TTLL5: variants seen among roughly 807,000 people sequenced by gnomAD.
The protein encoded by TTLL5 is tubulin polyglutamylase TTLL5.
A neutral mutation model predicts 168.4 loss-of-function variants in TTLL5; 132 were observed. That is an observed-to-expected ratio of 0.78 (90% CI 0.68 to 0.91). The LOEUF (loss-of-function observed/expected upper bound fraction) is 0.91, where lower values mean the gene tolerates loss of function less well. Among genes scored for constraint, TTLL5 ranks in the 40% least tolerant of loss-of-function variants. The pLI, the probability that TTLL5 is intolerant of heterozygous loss-of-function variation, is 0.00. For synonymous variants in TTLL5, 546 were observed against 558.6 expected (o/e 0.98, Z 0.32); for missense variants, 1,545 against 1,581.5 (o/e 0.98, Z 0.39).
At chr14:75,766,532 G>A (rs12878018) in intron 20 of TTLL5, among the ~76,000 whole-genome samples, 164 bp downstream of exon 20, 1 of 152,222 alleles carries the variant, frequency 6.6e-6, no homozygotes, top group Middle Eastern at 3.4e-3. Flanking sequence ...AGGAAACTGA[G>A]CCTTAGAGAG....
intron 30 of TTLL5, among the ~76,000 whole-genome samples, chr14:75,899,438 AC>A (rs1398312099): frequency 1.3e-5 from 2 of 152,360 alleles, no homozygotes; most frequent in East Asian, 3.9e-4. Flanking sequence ...TGATGTTATC[AC>A]AACAAAAGCA....
chr14:75,945,406 G>A (rs1426108513), intron 31 of TTLL5, among the ~76,000 whole-genome samples: 1 of 151,522 alleles, frequency 6.6e-6, no homozygotes, highest in Non-Finnish European at 1.5e-5. Context: ...ACAGGTGCGT[G>A]CCACCATGCT....
chr14:75,677,390 C>CTT (rs11349214), intron 3 of TTLL5, among the ~76,000 whole-genome samples: 1,030 of 78,274 alleles, frequency 0.013, 1 homozygote, highest in African/African-American at 0.021. Context: ...CTCTCTCTCT[C>CTT]TTTTTTTTTT....
chr14:75,850,111 A>G (rs1896764722), intron 28 of TTLL5, among the ~76,000 whole-genome samples: 1 of 151,918 alleles, frequency 6.6e-6, no homozygotes, highest in Non-Finnish European at 1.5e-5. Flanking sequence ...ATAAAAATAA[A>G]AAAAAAAATC....
Position 75,933,308 on chromosome 14 carries a change from A to G in TTLL5, c.3824-21116A>G, listed in dbSNP as rs2034333828. Among the ~76,000 whole-genome samples, 3 of 152,250 alleles carry G rather than the reference A, an allele frequency of 2.0e-5. No homozygotes were observed. The South Asian group carries it at 6.2e-4, about 32-fold the overall frequency. ...CATCTCTACAAAAAAAAATTAAAAAATTAGCCAGGCCGGGTGTGGTTGCAT... is the reference window on the plus strand; with the variant it reads ...CATCTCTACAAAAAAAAATTAAAAAGTTAGCCAGGCCGGGTGTGGTTGCAT... On this transcript the variant is annotated intron_variant, in intron 31 of 31. Coordinates refer to ENST00000298832, the MANE Select transcript of TTLL5 (RefSeq NM_015072.5).
chr14:75,698,940 G>C (rs1211711955), intron 6 of TTLL5, among the ~76,000 whole-genome samples: 1 of 151,590 alleles, frequency 6.6e-6, no homozygotes, highest in Non-Finnish European at 1.5e-5. Context: ...GAGGCGAAAT[G>C]GTGGAAGAAA....
At chr14:75,863,971 C>A in intron 29 of TTLL5, 109 bp downstream of exon 29, 1 of 1,178,006 alleles carries the variant, frequency 8.5e-7, no homozygotes, top group Non-Finnish European at 1.1e-6. Context: ...AGTTTTCCAA[C>A]CCCGTGCCAT....
chr14:75,865,962 C>T lies in TTLL5; in HGVS notation c.3522+2100C>T, dbSNP rs573086144. Among the ~76,000 whole-genome samples, 10 of 152,286 alleles carry T rather than the reference C, an allele frequency of 6.6e-5. No individual in the cohort carries two copies. In the East Asian group the frequency reaches 1.5e-3, roughly 24 times the overall value. On this transcript the variant is annotated intron_variant, in intron 29 of 31. Coordinates refer to ENST00000298832, the MANE Select transcript of TTLL5 (RefSeq NM_015072.5). ...TGTGTGTAACATTATTTCTTCTCCC[C>T]AACACCCCGAACCCGTTCTTCTAAA...
intron 31 of TTLL5, 59 bp from the exon 32 acceptor site, chr14:75,954,365 G>A (rs774569237): frequency 5.0e-5 from 79 of 1,587,696 alleles, no homozygotes; most frequent in Non-Finnish European, 6.7e-5. Flanking sequence ...ATTGCTGCCT[G>A]TAAGTAAAAC....
intron 6 of TTLL5, among the ~76,000 whole-genome samples, chr14:75,691,440 A>T (rs1282328600): frequency 6.6e-6 from 1 of 152,194 alleles, no homozygotes; most frequent in African/African-American, 2.4e-5. Context: ...CTGAATGTTT[A>T]CTTTCTAGTA....
chr14:75,784,624 A>G lies in TTLL5; in HGVS notation c.2986+1094A>G, dbSNP rs577837450. 5.9e-5 allele frequency among the ~76,000 whole-genome samples: 9 copies of G among 152,338 alleles called. No homozygotes were observed. The East Asian group carries it at 1.7e-3, about 29-fold the overall frequency. ...ATAGCTAGAGTGGAATTGTTGGTTC[A>G]TATGATAACTTTTTGTATTTCCTCT... On this transcript the variant is annotated intron_variant, in intron 26 of 31. Coordinates refer to ENST00000298832, the MANE Select transcript of TTLL5 (RefSeq NM_015072.5).
chr14:75,877,039 C>T (rs1459954715), intron 29 of TTLL5, among the ~76,000 whole-genome samples: 1 of 152,186 alleles, frequency 6.6e-6, no homozygotes, highest in African/African-American at 2.4e-5. Flanking sequence ...CAAATTGGGA[C>T]ACAATCTAAT....
chr14:75,691,799 CT>C (rs1169546847), intron 6 of TTLL5, among the ~76,000 whole-genome samples: 2 of 152,222 alleles, frequency 1.3e-5, no homozygotes, highest in Non-Finnish European at 2.9e-5. Context: ...AGAGTTATCT[CT>C]AGACTTCCTG....
At chr14:75,825,821 C>T (rs952491862) in intron 28 of TTLL5, among the ~76,000 whole-genome samples, 8 of 152,064 alleles carry the variant, frequency 5.3e-5, no homozygotes, top group Non-Finnish European at 1.2e-4. Context: ...ACGATTTCTC[C>T]AGTACATGTA....
At chr14:75,858,417 G>A (rs1405241438) in intron 28 of TTLL5, among the ~76,000 whole-genome samples, 2 of 152,186 alleles carry the variant, frequency 1.3e-5, no homozygotes, top group East Asian at 1.9e-4. Flanking sequence ...ACCCTGGAGT[G>A]TATATCTTTT....
intron 12 of TTLL5, among the ~76,000 whole-genome samples, chr14:75,723,296 G>A (rs938486590): frequency 2.0e-5 from 3 of 152,234 alleles, no homozygotes; most frequent in Non-Finnish European, 4.4e-5. Flanking sequence ...TTCAGGAAAT[G>A]TTTCTTGAAT....
chr14:75,718,008 T>C, intron 10 of TTLL5, 46 bp downstream of exon 10: 1 of 1,561,294 alleles, frequency 6.4e-7, no homozygotes, highest in East Asian at 2.3e-5. Context: ...CAGTCTCAGA[T>C]GTGGGTGTTG....
chr14:75,694,953 G>A (rs971359363), intron 6 of TTLL5, among the ~76,000 whole-genome samples: 12 of 152,106 alleles, frequency 7.9e-5, no homozygotes, highest in African/African-American at 2.2e-4. Flanking sequence ...CAAATTGTTC[G>A]TAAAGCATGT....
intron 23 of TTLL5, among the ~76,000 whole-genome samples, chr14:75,777,988 CAAAA>C (rs2140321566): frequency 6.9e-6 from 1 of 145,650 alleles, no homozygotes; most frequent in East Asian, 2.0e-4. Context: ...AAAAAAAAAA[CAAAA>C]AACAGATTGT....
Sources: allele counts gnomAD v4.1 joint callset (sites outside exome capture counted in the v4.1 genomes callset), GRCh38; gene constraint gnomAD v4.1.1; transcripts MANE v1.5; gene names NCBI Gene and HGNC (gene_info 2026-07-23, HGNC 2026-07-21).